Variants in MEGF11 observed in about 807,000 individuals in gnomAD.
The protein encoded by MEGF11 is multiple EGF like domains 11.
Under a neutral mutation model 146.6 loss-of-function variants are expected in MEGF11, and 126 were observed. That is an observed-to-expected ratio of 0.86 (90% CI 0.74 to 1.00). The LOEUF (loss-of-function observed/expected upper bound fraction) is 1.00. Among genes scored for constraint, MEGF11 ranks in the 50% least tolerant of loss-of-function variants. The pLI is 0.00. For synonymous variants in MEGF11, 532 were observed against 583.4 expected, an observed-to-expected ratio of 0.91 and a Z score of 1.27; for missense variants, 1,509 against 1,521.2, an observed-to-expected ratio of 0.99 and a Z score of 0.13.
intron 5 of MEGF11, among the ~76,000 whole-genome samples, chr15:66,022,428 A>G (rs1284854720): frequency 6.6e-6 from 1 of 152,226 alleles, no homozygotes; most frequent in Non-Finnish European, 1.5e-5. Context: ...GACTGTTTCT[A>G]CCAAAATGTG....
intron 5 of MEGF11, among the ~76,000 whole-genome samples, chr15:66,016,516 A>C (rs2082892833): frequency 6.7e-6 from 1 of 149,214 alleles, no homozygotes; most frequent in Non-Finnish European, 1.5e-5. Context: ...AAGGAGTTAA[A>C]ATTTAAACAC....
intron 5 of MEGF11, among the ~76,000 whole-genome samples, chr15:66,080,723 C>A (rs977329636): frequency 2.6e-5 from 4 of 152,232 alleles, no homozygotes; most frequent in African/African-American, 9.6e-5. Flanking sequence ...AATAGCAGCT[C>A]CTCTTACTCA....
At chr15:65,949,396 T>C (rs1392998517) in intron 10 of MEGF11, among the ~76,000 whole-genome samples, 1 of 152,160 alleles carries the variant, frequency 6.6e-6, no homozygotes, top group African/African-American at 2.4e-5. Flanking sequence ...GTGAGAAAAA[T>C]GCAGAAACAA....
intron 9 of MEGF11, among the ~76,000 whole-genome samples, chr15:65,961,256 T>C (rs1343380996): frequency 6.6e-6 from 1 of 152,086 alleles, no homozygotes; most frequent in African/African-American, 2.4e-5. Flanking sequence ...TTACAGTCAC[T>C]TGTGTTTAGC....
At chr15:66,087,455 T>C (rs1002033366) in intron 5 of MEGF11, among the ~76,000 whole-genome samples, 6 of 151,920 alleles carry the variant, frequency 3.9e-5, no homozygotes, top group Admixed American at 2.6e-4. Context: ...TTTAAGAAAA[T>C]TGAAATTACA....
chr15:66,029,440 G>C (rs1183122855), intron 5 of MEGF11, among the ~76,000 whole-genome samples: 2 of 152,178 alleles, frequency 1.3e-5, no homozygotes, highest in Non-Finnish European at 2.9e-5. Context: ...GTGTGCCTGA[G>C]ACAGTCCCAG....
intron 5 of MEGF11, among the ~76,000 whole-genome samples, chr15:66,046,350 A>G (rs1226755941): frequency 3.3e-5 from 5 of 152,176 alleles, no homozygotes; most frequent in Non-Finnish European, 5.9e-5. Context: ...AGCCTTTGAG[A>G]GTTCTTAACC....
intron 5 of MEGF11, among the ~76,000 whole-genome samples, chr15:66,054,928 A>G (rs2084616301): frequency 2.0e-5 from 3 of 152,208 alleles, no homozygotes; most frequent in Non-Finnish European, 2.9e-5. Flanking sequence ...TCCAGAAAGT[A>G]TATGTCTACA....
chr15:66,085,225 T>C lies in MEGF11; in HGVS notation c.394+9177A>G, dbSNP rs371287220. 1.9e-4 allele frequency among the ~76,000 whole-genome samples: 29 copies of C among 152,242 alleles called. No homozygotes were observed. The East Asian group carries it at 5.0e-3, about 26-fold the overall frequency. ...CATGCCTATGCCCACCCCCAGCTGA[T>C]GGTCCTTCCCTATCCATCCTGGTAG... On this transcript the variant is annotated intron_variant, in intron 5 of 25. Coordinates refer to ENST00000395614, the MANE Select transcript of MEGF11 (RefSeq NM_001385028.1).
At chr15:66,051,019 T>C (rs577725235) in intron 5 of MEGF11, among the ~76,000 whole-genome samples, 84 of 152,362 alleles carry the variant, frequency 5.5e-4, no homozygotes, top group African/African-American at 1.9e-3. Context: ...CAGAGGAGCA[T>C]GGCTTAGGCA....
chr15:66,154,308 A>G (rs990804589), intron 1 of MEGF11, among the ~76,000 whole-genome samples: 1 of 143,390 alleles, frequency 7.0e-6, no homozygotes, highest in Admixed American at 7.1e-5. Context: ...GCGCTCGCCC[A>G]CACTCCATTC....
At position 65,912,200 on chromosome 15, in the gene MEGF11, T is replaced by TA; in HGVS notation, c.2711-1_2711insT (p.Asp904ValfsTer6). On this transcript the variant is annotated frameshift_variant and splice_region_variant. Coordinates refer to ENST00000395614, the MANE Select transcript of MEGF11 (RefSeq NM_001385028.1). LOFTEE classifies it high-confidence loss of function. The stretch of plus-strand genomic sequence containing the variant: ...GGCATGGCTGCTACTTTGAGACAAA[T>TA]CTGGGAAGAGAACAAGGTGCCACAT... 8.1e-7 allele frequency: 1 copy of TA among 1,231,772 alleles called. No homozygotes were observed. The highest frequency in any genetic ancestry group is 4.1e-5 in the South Asian group (1 of 24,300). The allele number at this position is 1,231,772 out of a possible 1,614,324, so 76.3% of individuals were successfully genotyped here.
intron 5 of MEGF11, among the ~76,000 whole-genome samples, chr15:66,006,417 A>C (rs868443079): frequency 4.6e-5 from 7 of 152,316 alleles, no homozygotes; most frequent in Middle Eastern, 3.4e-3. Flanking sequence ...TTCCATTTTC[A>C]TTTAATCTCT....
At chr15:65,914,039 G>T in intron 19 of MEGF11, 66 bp from the exon 20 acceptor site, 1 of 1,280,300 alleles carries the variant, frequency 7.8e-7, no homozygotes, top group Non-Finnish European at 1.1e-6. Context: ...CCTGGGCCTG[G>T]GTTCAGATGC....
chr15:65,950,323 G>A (rs1029535820), intron 10 of MEGF11, among the ~76,000 whole-genome samples: 1 of 152,126 alleles, frequency 6.6e-6, no homozygotes, highest in Non-Finnish European at 1.5e-5. Context: ...AGTGGCTCAC[G>A]CCTGGAAATC....
In MEGF11 at chr15:66,121,750, C is replaced by T. The variant is rs2088034693; in HGVS notation, c.200+2149G>A. On this transcript the variant is annotated intron_variant, in intron 3 of 25. Coordinates refer to ENST00000395614, the MANE Select transcript of MEGF11 (RefSeq NM_001385028.1). ...TAAAATCCCTGCCCAAGCGTCTGGC[C>T]ACTGATTTATCCTTATGGAGGACAT... 2.0e-5 allele frequency among the ~76,000 whole-genome samples: 3 copies of T among 152,174 alleles called. No homozygotes were observed. In the South Asian group the frequency reaches 6.2e-4, roughly 32 times the overall value.
intron 1 of MEGF11, among the ~76,000 whole-genome samples, chr15:66,220,077 A>C (rs2091694203): frequency 6.6e-6 from 1 of 152,110 alleles, no homozygotes; most frequent in Non-Finnish European, 1.5e-5. Flanking sequence ...GGCCACGTGA[A>C]GACCATGTGC....
intron 5 of MEGF11, among the ~76,000 whole-genome samples, chr15:66,080,651 C>T (rs1026297747): frequency 2.6e-5 from 4 of 152,364 alleles, no homozygotes; most frequent in Middle Eastern, 3.4e-3. Context: ...AATACTGAGT[C>T]GATGAGGCCA....
intron 9 of MEGF11, among the ~76,000 whole-genome samples, chr15:65,961,327 CAAGTT>C (rs1254850157): frequency 6.6e-6 from 1 of 152,162 alleles, no homozygotes; most frequent in Non-Finnish European, 1.5e-5. Flanking sequence ...AGATTAATCA[CAAGTT>C]AATAGGAACC....
Sources: allele counts gnomAD v4.1 joint callset (sites outside exome capture counted in the v4.1 genomes callset), GRCh38; gene constraint gnomAD v4.1.1; transcripts MANE v1.5; gene names NCBI Gene and HGNC (gene_info 2026-07-23, HGNC 2026-07-21).